Variants in NTM observed in about 807,000 individuals in gnomAD.
NTM encodes the protein neurotrimin, also known as IgLON family member 2.
In NTM, 13 loss-of-function variants were observed where a neutral mutation model predicts 42.1. The observed-to-expected ratio is 0.31, with a 90% CI of 0.20 to 0.49. NTM has a LOEUF of 0.49. Among genes scored for constraint, NTM ranks in the 20% least tolerant of loss-of-function variants. The pLI is 0.99. For synonymous variants in NTM, 187 were observed against 179.2 expected, an observed-to-expected ratio of 1.04 and a Z score of -0.35; for missense variants, 373 against 452.8, an observed-to-expected ratio of 0.82 and a Z score of 1.60.
intron 2 of NTM, among the ~76,000 whole-genome samples, chr11:132,116,051 C>T (rs964260662): frequency 3.3e-5 from 5 of 152,218 alleles, no homozygotes; most frequent in African/African-American, 9.6e-5. Context: ...GAGCATTTCT[C>T]CTTTCTCCCA....
chr11:132,198,788 G>A (rs1247236125), intron 3 of NTM, among the ~76,000 whole-genome samples: 1 of 152,226 alleles, frequency 6.6e-6, no homozygotes, highest in Admixed American at 6.5e-5. Context: ...AAGTGGGGAA[G>A]GAGGAGTGCC....
chr11:131,999,233 CCACCTCTT>C (rs1274550671), intron 2 of NTM, among the ~76,000 whole-genome samples: 2 of 152,078 alleles, frequency 1.3e-5, no homozygotes, highest in Admixed American at 6.5e-5. Context: ...CCCATGGCAA[CCACCTCTT>C]TCCCTTGCTA....
At chr11:131,838,448 T>C (rs1161516166) in intron 1 of NTM, among the ~76,000 whole-genome samples, 1 of 152,244 alleles carries the variant, frequency 6.6e-6, no homozygotes, top group Non-Finnish European at 1.5e-5. Flanking sequence ...ATTCCTGATG[T>C]CATGTATTAG....
chr11:131,851,543 G>A lies in NTM; in HGVS notation c.83-60021G>A, dbSNP rs867544572. Among the ~76,000 whole-genome samples the A allele has an allele frequency of 2.3e-3, 349 of 151,764 alleles. 1 individual carries two copies. Among genetic ancestry groups the A allele is most frequent in the African/African-American group, 8.1e-3 (334 of 41,330 alleles). ...CCTGGTGAGAATGGCGTGTGTGTGT[G>A]TGTGTGTGTGTGTGTGTGTGTGTGT... On this transcript the variant is annotated intron_variant, in intron 1 of 8. Transcript: ENST00000683400.
At position 131,834,625 on chromosome 11, in the gene NTM, CATAT is replaced by C. The variant is rs10604283; in HGVS notation, c.83-76922_83-76919del. Among the ~76,000 whole-genome samples, 46 of 133,968 alleles carry C rather than the reference CATAT, an allele frequency of 3.4e-4. 1 individual carries two copies. The highest frequency in any genetic ancestry group is 8.3e-4 in the African/African-American group (31 of 37,222). The allele number at this position is 133,968 out of a possible 152,430, so 87.9% of individuals were successfully genotyped here. On this transcript the variant is annotated intron_variant, in intron 1 of 8. Transcript: ENST00000683400. ...TAGTGTGTGTATATATATACATATACATATATATATATATATATATGTATAATCT... is the reference window on the plus strand; with the variant it reads ...TAGTGTGTGTATATATATACATATACATATATATATATATATGTATAATCT...
At chr11:131,985,097 G>A (rs1313946718) in intron 2 of NTM, among the ~76,000 whole-genome samples, 2 of 152,024 alleles carry the variant, frequency 1.3e-5, no homozygotes, top group African/African-American at 4.8e-5. Flanking sequence ...CTTGAAAATA[G>A]GAGCATCTCT....
chr11:131,900,638 T>TGAGAGAGAGAAAGAGG (rs1717457823), intron 1 of NTM, among the ~76,000 whole-genome samples: 1 of 148,876 alleles, frequency 6.7e-6, no homozygotes, highest in Non-Finnish European at 1.5e-5. Context: ...GGAAAAAGAC[T>TGAGAGAGAGAAAGAGG]GAGAGAGAGA....
In NTM at chr11:131,896,105, T is replaced by C. The variant is rs79685697; in HGVS notation, c.83-15459T>C. On this transcript the variant is annotated intron_variant, in intron 1 of 8. Coordinates refer to ENST00000683400, the MANE Select transcript of NTM (RefSeq NM_001352005.2). Reference sequence around the variant, plus strand: ...AAACTTCCTACATAAGTAAAGGACATCATCTGATCCCTGCCTGAGAAAGAT... The same window carrying C: ...AAACTTCCTACATAAGTAAAGGACACCATCTGATCCCTGCCTGAGAAAGAT... Among the ~76,000 whole-genome samples the C allele has an allele frequency of 9.4e-3, 1,439 of 152,296 alleles. 25 individuals are homozygous for C. The highest frequency in any genetic ancestry group is 0.033 in the African/African-American group (1,352 of 41,558).
chr11:131,533,180 A>G (rs1383003701), intron 1 of NTM, among the ~76,000 whole-genome samples: 1 of 152,226 alleles, frequency 6.6e-6, no homozygotes, highest in African/African-American at 2.4e-5. Context: ...AACTCATAGC[A>G]GAAGTGGGAA....
intron 2 of NTM, among the ~76,000 whole-genome samples, chr11:132,124,178 C>A (rs1427770428): frequency 6.6e-6 from 1 of 152,172 alleles, no homozygotes; most frequent in Non-Finnish European, 1.5e-5. Context: ...TATGCCCCTT[C>A]CTTTCTGCTA....
intron 3 of NTM, among the ~76,000 whole-genome samples, chr11:132,197,917 G>T (rs2138398840): frequency 6.6e-6 from 1 of 152,052 alleles, no homozygotes; most frequent in South Asian, 2.1e-4. Flanking sequence ...ATTTGGATTG[G>T]TTCCAAGTCT....
Position 131,956,730 on chromosome 11 carries a change from T to C in NTM, c.167+45082T>C, listed in dbSNP as rs1206573989. Reference sequence around the variant, plus strand: ...AATTTGCCTTTGTCTTCTAGCCAGGTAGCTTGCCAGGGGAAACTGGGTGTG... The same window carrying C: ...AATTTGCCTTTGTCTTCTAGCCAGGCAGCTTGCCAGGGGAAACTGGGTGTG... On this transcript the variant is annotated intron_variant, in intron 2 of 8. Coordinates refer to ENST00000683400, the MANE Select transcript of NTM (RefSeq NM_001352005.2). Among the ~76,000 whole-genome samples, 3 of 152,164 alleles carry C rather than the reference T, an allele frequency of 2.0e-5. No homozygotes were observed. The East Asian group carries it at 5.8e-4, about 29-fold the overall frequency.
rs1272245557 is a variant in NTM, at chr11:131,409,759, G to A, written c.82+38871G>A. Among the ~76,000 whole-genome samples the A allele has an allele frequency of 2.0e-5, 3 of 152,218 alleles. 1 individual carries two copies. In the South Asian group the frequency reaches 6.2e-4, roughly 32 times the overall value. On this transcript the variant is annotated intron_variant, in intron 1 of 8. Coordinates refer to ENST00000683400, the MANE Select transcript of NTM (RefSeq NM_001352005.2). Reference sequence around the variant, plus strand: ...GCATTCATAAAGCCTGCCTTTGGAAGCGCCTTTAAGAACTGCTGCAGGAAG... The same window carrying A: ...GCATTCATAAAGCCTGCCTTTGGAAACGCCTTTAAGAACTGCTGCAGGAAG...
At chr11:132,317,767 C>T (rs2095469259) in intron 7 of NTM, 2 of 826,566 alleles carry the variant, frequency 2.4e-6, no homozygotes, top group African/African-American at 1.8e-5. Flanking sequence ...CTGTGCATTA[C>T]CCGAAGCACT....
chr11:131,394,110 AAT>A (rs1398900143), intron 1 of NTM, among the ~76,000 whole-genome samples: 1 of 152,236 alleles, frequency 6.6e-6, no homozygotes, highest in African/African-American at 2.4e-5. Flanking sequence ...ACGATTTTCC[AAT>A]CAGCTGAAAT....
intron 1 of NTM, among the ~76,000 whole-genome samples, chr11:131,635,002 C>T (rs1366246567): frequency 6.6e-6 from 1 of 152,084 alleles, no homozygotes; most frequent in African/African-American, 2.4e-5. Flanking sequence ...AAATAATGAC[C>T]TTTTGGTCAA....
intron 1 of NTM, among the ~76,000 whole-genome samples, chr11:131,607,899 T>G (rs200203565): frequency 1.8e-4 from 27 of 149,322 alleles, no homozygotes; most frequent in African/African-American, 5.8e-4. Context: ...GTTTTTTTTT[T>G]GTTTTATAAT....
At chr11:131,786,085 C>A (rs1490940818) in intron 1 of NTM, among the ~76,000 whole-genome samples, 1 of 152,148 alleles carries the variant, frequency 6.6e-6, no homozygotes, top group African/African-American at 2.4e-5. Flanking sequence ...GGAGAGCCAG[C>A]ATTTTCTTCG....
chr11:132,329,419 A>G (rs940909946), intron 7 of NTM, among the ~76,000 whole-genome samples: 1 of 152,246 alleles, frequency 6.6e-6, no homozygotes, highest in Non-Finnish European at 1.5e-5. Flanking sequence ...CCTAGGCAGC[A>G]GAGAGGGGCC....
Sources: gnomAD v4.1 joint callset for allele counts (sites outside exome capture counted in the v4.1 genomes callset) on GRCh38, gnomAD v4.1.1 for gene constraint, MANE v1.5 for transcripts, NCBI Gene and HGNC (gene_info 2026-07-23, HGNC 2026-07-21) for gene names.